PURB: variants seen among roughly 807,000 people sequenced by gnomAD.
PURB encodes the protein purine rich element binding protein B.
In PURB, 11 loss-of-function variants were observed where a neutral mutation model predicts 21.1. That is an observed-to-expected ratio of 0.52 (90% CI 0.33 to 0.86). PURB has a LOEUF of 0.86. Ranked by LOEUF, PURB falls within the 40% of genes least tolerant of loss-of-function variation. The pLI, the probability that PURB is intolerant of heterozygous loss-of-function variation, is 0.02. For synonymous variants in PURB, 246 were observed against 210.8 expected, an observed-to-expected ratio of 1.17 and a Z score of -1.45; for missense variants, 357 against 456.5, an observed-to-expected ratio of 0.78 and a Z score of 1.99.
In PURB at chr7:44,883,948, G is replaced by A. The variant is rs1426940827; in HGVS notation, c.*462C>T. The A allele has an allele frequency of 6.3e-6, 1 of 159,976 alleles. No homozygotes were observed. Among genetic ancestry groups the A allele is most frequent in the African/African-American group, 2.4e-5 (1 of 41,590 alleles). 9.9% of individuals were successfully genotyped at this position (159,976 alleles called of 1,614,324 possible). A position where few individuals can be genotyped will look rare whatever the true frequency, so the allele number is the denominator to read the frequency against. The stretch of plus-strand genomic sequence containing the variant: ...CTAGATCCAAAATGCTGATTTCAAT[G>A]GAGGTGAAGGGATAGACACCGCAAC... On this transcript the variant is annotated 3_prime_UTR_variant, in exon 1 of 1. Coordinates refer to ENST00000395699, the MANE Select transcript of PURB (RefSeq NM_033224.5).
Position 44,882,932 on chromosome 7 carries a change from C to G in PURB, c.*1478G>C, listed in dbSNP as rs1793899057. 6.6e-6 allele frequency: 1 copy of G among 152,172 alleles called. No individual in the cohort carries two copies. Among genetic ancestry groups the G allele is most frequent in the South Asian group, 2.1e-4 (1 of 4,828 alleles). 9.4% of individuals were successfully genotyped at this position (152,172 alleles called of 1,614,324 possible). ...AAATCCATTTAAAATATAGAAGAGGCGATCCTTGAAAACCCCAACTTTTAT... is the reference window on the plus strand; with the variant it reads ...AAATCCATTTAAAATATAGAAGAGGGGATCCTTGAAAACCCCAACTTTTAT... On this transcript the variant is annotated 3_prime_UTR_variant, in exon 1 of 1. Coordinates refer to ENST00000395699, the MANE Select transcript of PURB (RefSeq NM_033224.5).
chr7:44,880,012 A>G lies in PURB; in HGVS notation c.*4398T>C, dbSNP rs1233585117. ...GCATGTGACTTTTAGGGTGTACGAA[A>G]TTAAAGTTGTTTTAAGAATTAAAAA... On this transcript the variant is annotated 3_prime_UTR_variant, in exon 1 of 1. Coordinates refer to ENST00000395699, the MANE Select transcript of PURB (RefSeq NM_033224.5). 2 of 152,240 alleles carry G rather than the reference A, an allele frequency of 1.3e-5. No homozygotes were observed. The highest frequency in any genetic ancestry group is 4.8e-5 in the African/African-American group (2 of 41,460). The allele number at this position is 152,240 out of a possible 1,614,324, so 9.4% of individuals were successfully genotyped here.
In PURB at chr7:44,878,798, C is replaced by T. The variant is rs1793835183; in HGVS notation, c.*5612G>A. On this transcript the variant is annotated 3_prime_UTR_variant, in exon 1 of 1. Coordinates refer to ENST00000395699, the MANE Select transcript of PURB (RefSeq NM_033224.5). ...CTAATTTTCAGTACTGATAATTGGA[C>T]AATTTTCAAGTAAGAGTCTGTTAAA... 2 of 152,388 alleles carry T rather than the reference C, an allele frequency of 1.3e-5. No homozygotes were observed. The highest frequency in any genetic ancestry group is 1.3e-4 in the Admixed American group (2 of 15,256). The allele number at this position is 152,388 out of a possible 1,614,324, so 9.4% of individuals were successfully genotyped here. A position where few individuals can be genotyped will look rare whatever the true frequency, so the allele number is the denominator to read the frequency against.
In PURB at chr7:44,876,440, TGTCA is replaced by T. The variant is rs1430433023; in HGVS notation, c.*7966_*7969del. On this transcript the variant is annotated 3_prime_UTR_variant, in exon 1 of 1. Transcript: ENST00000395699. ...TACATTTTTTCTCTGTGAGTTTTTC[TGTCA>T]GTTTTGCTAGTTAGTGGTAAATACG... 4 of 152,648 alleles carry T rather than the reference TGTCA, an allele frequency of 2.6e-5. No individual in the cohort carries two copies. The highest frequency in any genetic ancestry group is 4.4e-5 in the Non-Finnish European group (3 of 68,038). The allele number at this position is 152,648 out of a possible 1,614,324, so 9.5% of individuals were successfully genotyped here. A position where few individuals can be genotyped will look rare whatever the true frequency, so the allele number is the denominator to read the frequency against.
Position 44,883,329 on chromosome 7 carries a change from A to T in PURB, c.*1081T>A, listed in dbSNP as rs1310898287. On this transcript the variant is annotated 3_prime_UTR_variant, in exon 1 of 1. Transcript: ENST00000395699. ...TATATCCATTAAAGCTCAGGCTTAT[A>T]GCCACACTGTTACTTTTGTAGGTAA... The T allele has an allele frequency of 6.6e-6, 1 of 152,660 alleles. No individual in the cohort carries two copies. The highest frequency in any genetic ancestry group is 6.5e-5 in the Admixed American group (1 of 15,278). The allele number at this position is 152,660 out of a possible 1,614,324, so 9.5% of individuals were successfully genotyped here. A position where few individuals can be genotyped will look rare whatever the true frequency, so the allele number is the denominator to read the frequency against.
chr7:44,881,339 T>C lies in PURB; in HGVS notation c.*3071A>G, dbSNP rs1459266305. 2 of 152,416 alleles carry C rather than the reference T, an allele frequency of 1.3e-5. No homozygotes were observed. The highest frequency in any genetic ancestry group is 3.8e-4 in the East Asian group (2 of 5,204). 9.4% of individuals were successfully genotyped at this position (152,416 alleles called of 1,614,324 possible). Reference sequence around the variant, plus strand: ...ATCTGACTGGAATTAACAAAGACCATTTCCTTTAATAAGCTATTAATAATA... The same window carrying C: ...ATCTGACTGGAATTAACAAAGACCACTTCCTTTAATAAGCTATTAATAATA... On this transcript the variant is annotated 3_prime_UTR_variant, in exon 1 of 1. Transcript: ENST00000395699.
rs1482120917 is a variant in PURB, at chr7:44,877,878, A to C, written c.*6532T>G. The C allele has an allele frequency of 1.3e-5, 2 of 152,092 alleles. No homozygotes were observed. The highest frequency in any genetic ancestry group is 2.9e-5 in the Non-Finnish European group (2 of 68,030). The allele number at this position is 152,092 out of a possible 1,614,324, so 9.4% of individuals were successfully genotyped here. On this transcript the variant is annotated 3_prime_UTR_variant, in exon 1 of 1. Coordinates refer to ENST00000395699, the MANE Select transcript of PURB (RefSeq NM_033224.5). ...CACATGTGGGCTGGAACAAGGGTTT[A>C]TGTCTAATATCTTATCAGTTCAAAA...
rs1157602024 is a variant in PURB, at chr7:44,880,204, C to T, written c.*4206G>A. ...AACTTTCCCCAATCAAAAAGGAGAC[C>T]GATCACTATATACCAAGAGTGCTGC... is the stretch of plus-strand genomic sequence containing the variant. On this transcript the variant is annotated 3_prime_UTR_variant, in exon 1 of 1. Transcript: ENST00000395699. The T allele has an allele frequency of 1.0e-3, 4 of 3,832 alleles. No individual in the cohort carries two copies. In the African/African-American group the frequency reaches 0.013, roughly 12 times the overall value. The allele number at this position is 3,832 out of a possible 1,614,324, so 0.2% of individuals were successfully genotyped here. A position where few individuals can be genotyped will look rare whatever the true frequency, so the allele number is the denominator to read the frequency against.
Position 44,885,311 on chromosome 7 carries a change from C to G in PURB, c.38G>C (p.Gly13Ala), listed in dbSNP as rs1321042428. The G allele has an allele frequency of 7.3e-7, 1 of 1,366,148 alleles. No individual in the cohort carries two copies. Among genetic ancestry groups the G allele is most frequent in the Non-Finnish European group, 9.4e-7 (1 of 1,066,576 alleles). 84.6% of individuals were successfully genotyped at this position (1,366,148 alleles called of 1,614,324 possible). The change falls in exon 1 of 1, where the codon GGC (glycine) becomes GCC (alanine). Residue 13 changes from glycine (G) to alanine (A), a missense_variant. By Grantham distance (60) the Gly-to-Ala change is moderately conservative. Coordinates refer to ENST00000395699, the MANE Select transcript of PURB (RefSeq NM_033224.5). Reference protein sequence around the residue: ...DGDSGSERGGGGGPCGFQPAS... With the variant: ...DGDSGSERGGAGGPCGFQPAS... ...GGGCTGGAACCCGCACGGCCCACCGCCGCCGCCGCGCTCGCTGCCGCTGTC... is the reference window on the plus strand; with the variant it reads ...GGGCTGGAACCCGCACGGCCCACCGGCGCCGCCGCGCTCGCTGCCGCTGTC...
chr7:44,880,417 T>C lies in PURB; in HGVS notation c.*3993A>G, dbSNP rs1459577166. ...AACAAAATTTACAGTGAAGAATACT[T>C]ATGTGCATGGCTTACACACTCCAGC... On this transcript the variant is annotated 3_prime_UTR_variant, in exon 1 of 1. Coordinates refer to ENST00000395699, the MANE Select transcript of PURB (RefSeq NM_033224.5). 2 of 152,652 alleles carry C rather than the reference T, an allele frequency of 1.3e-5. No individual in the cohort carries two copies. The highest frequency in any genetic ancestry group is 2.9e-5 in the Non-Finnish European group (2 of 68,046). 9.5% of individuals were successfully genotyped at this position (152,652 alleles called of 1,614,324 possible).
Position 44,885,040 on chromosome 7 carries a change from C to T in PURB, c.309G>A (p.Glu103=). Residue 103 remains glutamate (E), a synonymous_variant, in exon 1 of 1, where the codon GAG becomes GAA. Transcript: ENST00000395699. The part of the protein sequence containing the change: ...HYAQLGPSSP[E]QLAAGAEEGG... The stretch of plus-strand genomic sequence containing the variant: ...CCTCCTCGGCGCCAGCCGCCAGCTG[C>T]TCGGGGCTGCTAGGGCCCAGCTGCG... The T allele has an allele frequency of 1.3e-6, 2 of 1,554,234 alleles. No homozygotes were observed. Among genetic ancestry groups the T allele is most frequent in the Non-Finnish European group, 1.7e-6 (2 of 1,152,870 alleles).
Position 44,878,340 on chromosome 7 carries a change from A to G in PURB, c.*6070T>C, listed in dbSNP as rs893993654. ...TTACCCATGTCAATGGATATTAGAT[A>G]TAACACAAGGAAAATGAAATTTGCT... On this transcript the variant is annotated 3_prime_UTR_variant, in exon 1 of 1. Transcript: ENST00000395699. 5 of 152,256 alleles carry G rather than the reference A, an allele frequency of 3.3e-5. No individual in the cohort carries two copies. Among genetic ancestry groups the G allele is most frequent in the Non-Finnish European group, 5.9e-5 (4 of 68,046 alleles). The allele number at this position is 152,256 out of a possible 1,614,324, so 9.4% of individuals were successfully genotyped here.
rs1793820126 is a variant in PURB, at chr7:44,877,669, TG to T, written c.*6740del. ...AATACAGAAAATTAGCTGGGCATGG[TG>T]GCACATGCTTGTAATCCCAGCTACT... On this transcript the variant is annotated 3_prime_UTR_variant, in exon 1 of 1. Transcript: ENST00000395699. The T allele has an allele frequency of 6.6e-6, 1 of 152,214 alleles. No homozygotes were observed. The highest frequency in any genetic ancestry group is 1.5e-5 in the Non-Finnish European group (1 of 68,086). The allele number at this position is 152,214 out of a possible 1,614,324, so 9.4% of individuals were successfully genotyped here. A position where few individuals can be genotyped will look rare whatever the true frequency, so the allele number is the denominator to read the frequency against.
chr7:44,884,395 G>T lies in PURB; in HGVS notation c.*15C>A. The T allele has an allele frequency of 6.2e-7, 1 of 1,609,810 alleles. No individual in the cohort carries two copies. Among genetic ancestry groups the T allele is most frequent in the South Asian group, 1.1e-5 (1 of 90,880 alleles). ...ATGGTGGTTGGGTGGAGGCCTGTAGGGGAAGCTGCCCGTTTCAATCCTCAT... is the reference window on the plus strand; with the variant it reads ...ATGGTGGTTGGGTGGAGGCCTGTAGTGGAAGCTGCCCGTTTCAATCCTCAT... On this transcript the variant is annotated 3_prime_UTR_variant, in exon 1 of 1. Coordinates refer to ENST00000395699, the MANE Select transcript of PURB (RefSeq NM_033224.5).
At position 44,881,161 on chromosome 7, in the gene PURB, G is replaced by A. The variant is rs543103737; in HGVS notation, c.*3249C>T. ...GAAACAAACCTTCTAACAATTATAT[G>A]AAAAGAAGTTTTAGTTTCCTACTTC... On this transcript the variant is annotated 3_prime_UTR_variant, in exon 1 of 1. Coordinates refer to ENST00000395699, the MANE Select transcript of PURB (RefSeq NM_033224.5). 4 of 152,144 alleles carry A rather than the reference G, an allele frequency of 2.6e-5. No individual in the cohort carries two copies. The South Asian group carries it at 8.3e-4, about 32-fold the overall frequency. 9.4% of individuals were successfully genotyped at this position (152,144 alleles called of 1,614,324 possible).
At position 44,885,098 on chromosome 7, in the gene PURB, C is replaced by A; in HGVS notation, c.251G>T (p.Arg84Leu). The A allele has an allele frequency of 6.4e-7, 1 of 1,573,622 alleles. No homozygotes were observed. The highest frequency in any genetic ancestry group is 1.4e-5 in the African/African-American group (1 of 70,926). ...TTCTATGAAGTCGCCCAGCGAGTCG[C>A]GGAACTCGGCGGCCACCGCCATGGA... ...TLSMAVAAEF[R>L]DSLGDFIEHY... The change falls in exon 1 of 1, where the codon CGC becomes CTC. Residue 84 changes from arginine to leucine, a missense_variant. Coordinates refer to ENST00000395699, the MANE Select transcript of PURB (RefSeq NM_033224.5).
Position 44,884,270 on chromosome 7 carries a change from A to G in PURB, c.*140T>C. 1 of 1,451,672 alleles carries G rather than the reference A, an allele frequency of 6.9e-7. No individual in the cohort carries two copies. The highest frequency in any genetic ancestry group is 1.4e-5 in the South Asian group (1 of 70,294). The allele number at this position is 1,451,672 out of a possible 1,614,324, so 89.9% of individuals were successfully genotyped here. On this transcript the variant is annotated 3_prime_UTR_variant, in exon 1 of 1. Transcript: ENST00000395699. ...CTGTTCTCTTACGATTATTTCTCTTAACTGTGTTACGTTTTGTTTTTTCCC... is the reference window on the plus strand; with the variant it reads ...CTGTTCTCTTACGATTATTTCTCTTGACTGTGTTACGTTTTGTTTTTTCCC...
chr7:44,884,296 T>C lies in PURB; in HGVS notation c.*114A>G. ...ACTGTGTTACGTTTTGTTTTTTCCC[T>C]CTGCGGCCTCCCTTGCTCCCTCTCC... is the stretch of plus-strand genomic sequence containing the variant. On this transcript the variant is annotated 3_prime_UTR_variant, in exon 1 of 1. Coordinates refer to ENST00000395699, the MANE Select transcript of PURB (RefSeq NM_033224.5). 1 of 1,504,228 alleles carries C rather than the reference T, an allele frequency of 6.6e-7. No homozygotes were observed. The highest frequency in any genetic ancestry group is 8.8e-7 in the Non-Finnish European group (1 of 1,135,058). 93.2% of individuals were successfully genotyped at this position (1,504,228 alleles called of 1,614,324 possible).
chr7:44,880,835 T>C lies in PURB; in HGVS notation c.*3575A>G, dbSNP rs559413356. Reference sequence around the variant, plus strand: ...TGGAAAGTGATGTGACAAGTAGCCATGTGTGTATCACAGCTACAGTCATTT... The same window carrying C: ...TGGAAAGTGATGTGACAAGTAGCCACGTGTGTATCACAGCTACAGTCATTT... On this transcript the variant is annotated 3_prime_UTR_variant, in exon 1 of 1. Coordinates refer to ENST00000395699, the MANE Select transcript of PURB (RefSeq NM_033224.5). 1 of 152,794 alleles carries C rather than the reference T, an allele frequency of 6.5e-6. No homozygotes were observed. Among genetic ancestry groups the C allele is most frequent in the Admixed American group, 6.5e-5 (1 of 15,294 alleles). 9.5% of individuals were successfully genotyped at this position (152,794 alleles called of 1,614,324 possible). A position where few individuals can be genotyped will look rare whatever the true frequency, so the allele number is the denominator to read the frequency against.
Sources: allele counts gnomAD v4.1 joint callset, GRCh38; gene constraint gnomAD v4.1.1; transcripts MANE v1.5; gene names NCBI Gene and HGNC (gene_info 2026-07-23, HGNC 2026-07-21).